Variants in SGMS1 observed in about 807,000 individuals in gnomAD.
SGMS1 encodes phosphatidylcholine:ceramide cholinephosphotransferase 1.
A neutral mutation model predicts 46.2 loss-of-function variants in SGMS1; 13 were observed. The observed-to-expected ratio is 0.28, with a 90% CI of 0.18 to 0.45. The LOEUF (loss-of-function observed/expected upper bound fraction) is 0.45, where lower values mean the gene tolerates loss of function less well. Among genes scored for constraint, SGMS1 ranks in the 20% least tolerant of loss-of-function variants. The pLI is 1.00. For missense variants in SGMS1, 324 were observed against 519.9 expected, an observed-to-expected ratio of 0.62 and a Z score of 3.66; for synonymous variants, 203 against 187.8, an observed-to-expected ratio of 1.08 and a Z score of -0.66.
intron 4 of SGMS1, among the ~76,000 whole-genome samples, chr10:50,463,113 C>T (rs1036647348): frequency 6.6e-6 from 1 of 151,978 alleles, no homozygotes; most frequent in African/African-American, 2.4e-5. Flanking sequence ...TGCTTCATGA[C>T]ATTGGAGTTG....
chr10:50,484,462 G>A (rs1346720524), intron 3 of SGMS1, among the ~76,000 whole-genome samples: 1 of 152,136 alleles, frequency 6.6e-6, no homozygotes, highest in Non-Finnish European at 1.5e-5. Flanking sequence ...AATCCTACCA[G>A]AGGTACAAAG....
chr10:50,556,805 T>G (rs1466970738), intron 2 of SGMS1, among the ~76,000 whole-genome samples: 1 of 152,200 alleles, frequency 6.6e-6, no homozygotes, highest in African/African-American at 2.4e-5. Context: ...CTTGCTTGCT[T>G]AGCAATCAAC....
intron 6 of SGMS1, among the ~76,000 whole-genome samples, chr10:50,390,987 G>A (rs1848757020): frequency 6.6e-6 from 1 of 152,186 alleles, no homozygotes; most frequent in Middle Eastern, 3.2e-3. Flanking sequence ...GGAATAAAAC[G>A]GCTCCAAGAG....
intron 1 of SGMS1, among the ~76,000 whole-genome samples, chr10:50,620,488 T>A (rs968506317): frequency 2.0e-5 from 3 of 152,162 alleles, no homozygotes; most frequent in African/African-American, 7.2e-5. Context: ...CCATATGAAG[T>A]GGTGGGAAAG....
At chr10:50,423,920 C>T (rs559221995) in intron 6 of SGMS1, among the ~76,000 whole-genome samples, 17 of 152,296 alleles carry the variant, frequency 1.1e-4, no homozygotes, top group African/African-American at 3.8e-4. Flanking sequence ...TACCGAGTAC[C>T]TACTAATGAC....
intron 6 of SGMS1, among the ~76,000 whole-genome samples, chr10:50,408,894 A>C (rs182172697): frequency 1.2e-3 from 179 of 152,182 alleles, no homozygotes; most frequent in African/African-American, 4.1e-3. Context: ...CAAAACAAAA[A>C]AAGATTATAA....
chr10:50,322,763 C>T (rs1416456591), intron 8 of SGMS1, among the ~76,000 whole-genome samples: 4 of 138,468 alleles, frequency 2.9e-5, no homozygotes, highest in East Asian at 2.4e-4. Flanking sequence ...ACCCGGGAAG[C>T]GGAGCTTGCA....
chr10:50,364,551 A>G (rs1848304149), intron 6 of SGMS1, among the ~76,000 whole-genome samples: 1 of 152,162 alleles, frequency 6.6e-6, no homozygotes, highest in Non-Finnish European at 1.5e-5. Flanking sequence ...TGAGGACCTA[A>G]AGCACAAGGA....
chr10:50,357,277 G>A (rs1240942678), intron 6 of SGMS1, among the ~76,000 whole-genome samples: 2 of 151,714 alleles, frequency 1.3e-5, no homozygotes, highest in Non-Finnish European at 2.9e-5. Flanking sequence ...TCAAAGCCAA[G>A]CAGGTCTTTA....
At chr10:50,516,588 A>G (rs1277260195) in intron 3 of SGMS1, among the ~76,000 whole-genome samples, 1 of 152,224 alleles carries the variant, frequency 6.6e-6, no homozygotes, top group African/African-American at 2.4e-5. Context: ...CTACAAAAAG[A>G]ACCCCGGCAA....
At chr10:50,517,931 A>T (rs1837820002) in intron 3 of SGMS1, among the ~76,000 whole-genome samples, 1 of 152,206 alleles carries the variant, frequency 6.6e-6, no homozygotes, top group Non-Finnish European at 1.5e-5. Context: ...AAATAAAGAC[A>T]TTTCAGAAAC....
At chr10:50,540,714 A>C (rs963801676) in intron 2 of SGMS1, among the ~76,000 whole-genome samples, 3 of 152,202 alleles carry the variant, frequency 2.0e-5, no homozygotes, top group African/African-American at 7.2e-5. Context: ...GCTGGGGATT[A>C]GTGGGCAACT....
In SGMS1 at chr10:50,344,102, C is replaced by T; in HGVS notation, c.13G>A (p.Val5Ile). The change falls in exon 7 of 11, where the codon GTT becomes ATT. Residue 5 changes from valine to isoleucine, a missense_variant. Around this residue, in one of 2 missense-constraint regions of SGMS1, gnomAD observed 150 missense variants for 169.8 expected, o/e 0.88. Transcript: ENST00000361781. MKEV[V>I]YWSPKKVADW... The stretch of plus-strand genomic sequence containing the variant: ...GCCACCTTCTTGGGTGACCAATAAA[C>T]CACTTCCTTCATTGTACTGGCAGAC... 1 of 1,607,622 alleles carries T rather than the reference C, an allele frequency of 6.2e-7. No individual in the cohort carries two copies. Among genetic ancestry groups the T allele is most frequent in the Non-Finnish European group, 8.5e-7 (1 of 1,176,862 alleles).
chr10:50,397,052 T>C (rs919164582), intron 6 of SGMS1, among the ~76,000 whole-genome samples: 5 of 151,814 alleles, frequency 3.3e-5, no homozygotes, highest in African/African-American at 1.2e-4. Context: ...TGCAGTAAGA[T>C]CAAAAGCAAA....
At chr10:50,547,850 A>C (rs1252119229) in intron 2 of SGMS1, among the ~76,000 whole-genome samples, 1 of 152,254 alleles carries the variant, frequency 6.6e-6, no homozygotes, top group Non-Finnish European at 1.5e-5. Context: ...CATGATAATC[A>C]AGTCAGTTTC....
At chr10:50,566,788 T>G (rs137910454) in intron 2 of SGMS1, among the ~76,000 whole-genome samples, 1 of 152,238 alleles carries the variant, frequency 6.6e-6, no homozygotes, top group Non-Finnish European at 1.5e-5. Context: ...AGCTTAAGTC[T>G]CTGATGTAAA....
intron 3 of SGMS1, among the ~76,000 whole-genome samples, chr10:50,505,293 A>C (rs946634418): frequency 6.6e-6 from 1 of 152,238 alleles, no homozygotes; most frequent in Admixed American, 6.5e-5. Flanking sequence ...ACAATAGGTT[A>C]TAATTTAGCC....
intron 6 of SGMS1, among the ~76,000 whole-genome samples, chr10:50,409,147 G>T (rs956255252): frequency 6.6e-6 from 1 of 151,876 alleles, no homozygotes. Flanking sequence ...CATATTTATG[G>T]GGTACATGTG....
In SGMS1 at chr10:50,598,922, G is replaced by C. The variant is rs1316357950; in HGVS notation, c.-683-8675C>G. 2.0e-5 allele frequency among the ~76,000 whole-genome samples: 3 copies of C among 152,090 alleles called. No homozygotes were observed. In the East Asian group the frequency reaches 5.8e-4, roughly 29 times the overall value. On this transcript the variant is annotated intron_variant, in intron 1 of 10. Coordinates refer to ENST00000361781, the MANE Select transcript of SGMS1 (RefSeq NM_147156.4). ...AATACCCAGACAGGAAAAAAAAATAGTATACATCTGCACAAATATCACCAG... is the reference window on the plus strand; with the variant it reads ...AATACCCAGACAGGAAAAAAAAATACTATACATCTGCACAAATATCACCAG...
Sources: allele counts gnomAD v4.1 joint callset (sites outside exome capture counted in the v4.1 genomes callset), GRCh38; gene constraint gnomAD v4.1.1; regional missense constraint gnomAD v4.1.1; transcripts MANE v1.5; gene names NCBI Gene and HGNC (gene_info 2026-07-23, HGNC 2026-07-21).